Variants in CAT observed in about 807,000 individuals in gnomAD.
CAT encodes the protein epididymis secretory sperm binding protein.
CAT carries 43 observed loss-of-function variants against 59.0 expected under a neutral mutation model. The ratio of observed to expected loss-of-function variants is 0.73; its 90% CI spans 0.57 to 0.94. The LOEUF is 0.94. CAT is among the 40% of genes least tolerant of loss of function. The pLI, the probability that CAT is intolerant of heterozygous loss-of-function variation, is 0.00. For synonymous variants in CAT, 218 were observed against 230.9 expected, an observed-to-expected ratio of 0.94 and a Z score of 0.51; for missense variants, 664 against 682.9, an observed-to-expected ratio of 0.97 and a Z score of 0.31.
intron 1 of CAT, among the ~76,000 whole-genome samples, chr11:34,439,387 G>A (rs1429108631): frequency 6.6e-6 from 1 of 152,140 alleles, no homozygotes. Context: ...AGGGCTCATG[G>A]GGAAAGAGGC....
chr11:34,449,618 A>G lies in CAT; in HGVS notation c.238+255A>G, dbSNP rs191392490. 2.0e-3 allele frequency among the ~76,000 whole-genome samples: 300 copies of G among 152,328 alleles called. No individual in the cohort carries two copies. Among genetic ancestry groups the G allele is most frequent in the Non-Finnish European group, 2.9e-3 (194 of 68,024 alleles). Reference sequence around the variant, plus strand: ...CCATCATTGAAGGAATAAAAATACAATAAGTCCTCACTTAACATCAATAGG... The same window carrying G: ...CCATCATTGAAGGAATAAAAATACAGTAAGTCCTCACTTAACATCAATAGG... On this transcript the variant is annotated intron_variant, in intron 2 of 12. Coordinates refer to ENST00000241052, the MANE Select transcript of CAT (RefSeq NM_001752.4).
intron 11 of CAT, chr11:34,470,680 A>G: frequency 2.2e-6 from 1 of 447,728 alleles, no homozygotes; most frequent in Non-Finnish European, 4.1e-6. Flanking sequence ...TTTTAAAATT[A>G]TACTGATTAG....
At chr11:34,439,904 C>T (rs1201919426) in intron 1 of CAT, among the ~76,000 whole-genome samples, 1 of 152,176 alleles carries the variant, frequency 6.6e-6, no homozygotes, top group Non-Finnish European at 1.5e-5. Context: ...CCGGACAAAG[C>T]AGGTGACATT....
intron 8 of CAT, among the ~76,000 whole-genome samples, chr11:34,457,609 G>A (rs2133186805): frequency 6.6e-6 from 1 of 152,196 alleles, no homozygotes; most frequent in South Asian, 2.1e-4. Flanking sequence ...TAAAAGCAGT[G>A]GATTAACCAT....
At chr11:34,439,101 CG>C in intron 1 of CAT, 22 bp downstream of exon 1, 1 of 1,568,342 alleles carries the variant, frequency 6.4e-7, no homozygotes. Context: ...GCTCCCCGAG[CG>C]GGCCCGAAGG....
Position 34,453,108 on chromosome 11 carries a change from A to G in CAT, c.499A>G (p.Ser167Gly), listed in dbSNP as rs1386610064. ...DPILFPSFIHSQKRNPQTHLK... is the reference protein window; with the variant it reads ...DPILFPSFIHGQKRNPQTHLK... ...TATTTAGTTTCCATCTTTTATCCACAGCCAAAAGAGAAATCCTCAGACACA... is the reference window on the plus strand; with the variant it reads ...TATTTAGTTTCCATCTTTTATCCACGGCCAAAAGAGAAATCCTCAGACACA... The change falls in exon 5 of 13, where the codon AGC becomes GGC. Residue 167 changes from serine to glycine, a missense_variant. Transcript: ENST00000241052. The G allele has an allele frequency of 4.3e-6, 7 of 1,610,964 alleles. No homozygotes were observed. In the South Asian group the frequency reaches 7.7e-5, roughly 18 times the overall value.
intron 9 of CAT, among the ~76,000 whole-genome samples, chr11:34,462,062 G>A (rs370842915): frequency 1.3e-5 from 2 of 151,670 alleles, no homozygotes; most frequent in South Asian, 2.1e-4. Context: ...TTTTGGTGTC[G>A]TATACAAACA....
chr11:34,446,869 G>A (rs1188410830), intron 1 of CAT, among the ~76,000 whole-genome samples: 1 of 151,904 alleles, frequency 6.6e-6, no homozygotes, highest in Admixed American at 6.6e-5. Flanking sequence ...AGCCTCCCGA[G>A]TAGCTGGGAC....
chr11:34,468,011 G>A (rs1856738632), intron 10 of CAT, among the ~76,000 whole-genome samples: 1 of 152,170 alleles, frequency 6.6e-6, no homozygotes, highest in Non-Finnish European at 1.5e-5. Flanking sequence ...TATTAAGAAT[G>A]TGGTGAGGTT....
chr11:34,456,162 A>G lies in CAT; in HGVS notation c.863A>G (p.Gln288Arg). Residue 288 changes from glutamine (Q) to arginine (R), a missense_variant, in exon 7 of 13, where the codon CAG (glutamine) becomes CGG (arginine). By Grantham distance (43) the Gln-to-Arg change is conservative. Transcript: ENST00000241052. ...TACATCCAGGTCATGACATTTAATC[A>G]GGCAGAAACTTTTCCATTTAATCCA... ...TFYIQVMTFN[Q>R]AETFPFNPFD... is the part of the protein sequence containing the mutation. 1 of 1,614,090 alleles carries G rather than the reference A, an allele frequency of 6.2e-7. No individual in the cohort carries two copies.
At position 34,468,380 on chromosome 11, in the gene CAT, C is replaced by A; in HGVS notation, c.1419C>A (p.Phe473Leu). Residue 473 changes from phenylalanine to leucine, a missense_variant, in exon 11 of 13, where the codon TTC becomes TTA. Phe to Leu is a conservative substitution (Grantham distance 22). Coordinates refer to ENST00000241052, the MANE Select transcript of CAT (RefSeq NM_001752.4). Reference sequence around the variant, plus strand: ...GCCACCTGAAGGATGCACAAATTTTCATCCAGAAGAAAGCGGTGAGTCTTT... The same window carrying A: ...GCCACCTGAAGGATGCACAAATTTTAATCCAGAAGAAAGCGGTGAGTCTTT... ...IAGHLKDAQIFIQKKAVKNFT... is the reference protein window; with the variant it reads ...IAGHLKDAQILIQKKAVKNFT... The A allele has an allele frequency of 6.2e-7, 1 of 1,613,456 alleles. No individual in the cohort carries two copies. The highest frequency in any genetic ancestry group is 8.5e-7 in the Non-Finnish European group (1 of 1,179,392).
At chr11:34,441,136 C>A (rs1856385197) in intron 1 of CAT, among the ~76,000 whole-genome samples, 1 of 152,206 alleles carries the variant, frequency 6.6e-6, no homozygotes, top group Admixed American at 6.5e-5. Context: ...AAACCGCTTA[C>A]TTCTTTTAGG....
chr11:34,449,342 G>A lies in CAT; in HGVS notation c.217G>A (p.Val73Ile), dbSNP rs778874124. The change falls in exon 2 of 13, where the codon GTT becomes ATT. Residue 73 changes from valine (V) to isoleucine (I), a missense_variant. Val to Ile is a conservative substitution (Grantham distance 29, BLOSUM62 3). Transcript: ENST00000241052. ...TGACCGAGAGAGAATTCCTGAGAGA[G>A]TTGTGCATGCTAAAGGAGCAGGTAA... ...HFDRERIPER[V>I]VHAKGAGAFG... is the part of the protein sequence containing the mutation. The A allele has an allele frequency of 6.2e-7, 1 of 1,614,134 alleles. No homozygotes were observed. The highest frequency in any genetic ancestry group is 1.1e-5 in the South Asian group (1 of 91,078).
intron 10 of CAT, among the ~76,000 whole-genome samples, chr11:34,466,285 A>G (rs1030198590): frequency 6.6e-6 from 1 of 152,248 alleles, no homozygotes; most frequent in East Asian, 1.9e-4. Flanking sequence ...AGAAACTCAA[A>G]TGATTCTAGA....
chr11:34,452,796 A>G (rs1176703606), intron 4 of CAT, among the ~76,000 whole-genome samples: 4 of 151,824 alleles, frequency 2.6e-5, no homozygotes, highest in Non-Finnish European at 5.9e-5. Context: ...TCAAAGCTGC[A>G]GTGAGCTGTG....
chr11:34,471,646 A>G lies in CAT; in HGVS notation c.*213A>G. 1 of 571,842 alleles carries G rather than the reference A, an allele frequency of 1.7e-6. No homozygotes were observed. The highest frequency in any genetic ancestry group is 3.1e-6 in the Non-Finnish European group (1 of 319,988). The allele number at this position is 571,842 out of a possible 1,614,324, so 35.4% of individuals were successfully genotyped here. ...AGGATTTAACAGTCATTTAAAAAAA[A>G]AATTTGTTTTGACGGATGATTGGAT... On this transcript the variant is annotated 3_prime_UTR_variant, in exon 13 of 13. Coordinates refer to ENST00000241052, the MANE Select transcript of CAT (RefSeq NM_001752.4).
intron 10 of CAT, among the ~76,000 whole-genome samples, chr11:34,466,182 T>C (rs511895): frequency 0.71 from 107,391 of 152,166 alleles, 39,788 homozygotes; most frequent in East Asian, 0.97. Flanking sequence ...ACAGGAAACA[T>C]AACTTTGCCT....
chr11:34,450,428 G>A (rs1181706698), intron 2 of CAT, among the ~76,000 whole-genome samples: 6 of 152,162 alleles, frequency 3.9e-5, no homozygotes, highest in Admixed American at 3.9e-4. Flanking sequence ...GTTGGAAAAA[G>A]AGCTCCACAG....
intron 2 of CAT, 97 bp downstream of exon 2, chr11:34,449,460 C>G: frequency 9.7e-7 from 1 of 1,027,392 alleles, no homozygotes; most frequent in Non-Finnish European, 1.5e-6. Context: ...ACACAAGTGT[C>G]AAATCTCCAT....
Sources: gnomAD v4.1 joint callset for allele counts (sites outside exome capture counted in the v4.1 genomes callset) on GRCh38, gnomAD v4.1.1 for gene constraint, MANE v1.5 for transcripts, NCBI Gene and HGNC (gene_info 2026-07-23, HGNC 2026-07-21) for gene names.